The following NCOA1 variants were observed in gnomAD, a reference collection of about 807,000 sequenced individuals.
NCOA1 encodes nuclear receptor coactivator 1.
Under a neutral mutation model 150.9 loss-of-function variants are expected in NCOA1, and 35 were observed. The observed-to-expected ratio is 0.23, with a 90% CI of 0.18 to 0.31. The LOEUF is 0.31. Among genes scored for constraint, NCOA1 ranks in the 10% least tolerant of loss-of-function variants. NCOA1 has a pLI of 1.00. For synonymous variants in NCOA1, 590 were observed against 630.0 expected (o/e 0.94, Z 0.95); for missense variants, 1,491 against 1,749.3 (o/e 0.85, Z 2.63).
intron 3 of NCOA1, among the ~76,000 whole-genome samples, chr2:24,638,483 A>G (rs1227864028): frequency 6.6e-6 from 1 of 151,830 alleles, no homozygotes; most frequent in African/African-American, 2.4e-5. Context: ...ATTTCCTTTT[A>G]TTTACCTAAA....
intron 14 of NCOA1, among the ~76,000 whole-genome samples, chr2:24,714,736 A>G (rs998668116): frequency 1.3e-5 from 2 of 152,122 alleles, no homozygotes; most frequent in African/African-American, 4.8e-5. Context: ...TAATATATAA[A>G]TAATACATAA....
At chr2:24,655,109 A>G (rs1670874215) in intron 4 of NCOA1, among the ~76,000 whole-genome samples, 1 of 152,296 alleles carries the variant, frequency 6.6e-6, no homozygotes, top group South Asian at 2.1e-4. Context: ...TGTAAATTTT[A>G]TTCACTGCTC....
At chr2:24,531,177 T>G (rs1202077466) in intron 1 of NCOA1, among the ~76,000 whole-genome samples, 1 of 152,198 alleles carries the variant, frequency 6.6e-6, no homozygotes, top group Non-Finnish European at 1.5e-5. Context: ...TAAAACAGTA[T>G]GGAGGTTCCT....
intron 1 of NCOA1, among the ~76,000 whole-genome samples, chr2:24,494,956 T>A (rs559718167): frequency 6.6e-6 from 1 of 152,306 alleles, no homozygotes; most frequent in East Asian, 1.9e-4. Flanking sequence ...GGTCTAGTCA[T>A]TTAAAACCTT....
In NCOA1 at chr2:24,627,130, T is replaced by TTTG. The variant is rs1227077325; in HGVS notation, c.-174-16834_-174-16833insGTT. Among the ~76,000 whole-genome samples the TTTG allele has an allele frequency of 2.0e-5, 3 of 149,290 alleles. No homozygotes were observed. In the East Asian group the frequency reaches 5.8e-4, roughly 29 times the overall value. On this transcript the variant is annotated intron_variant, in intron 3 of 22. Coordinates refer to ENST00000348332, the MANE Select transcript of NCOA1 (RefSeq NM_003743.5). ...TTTTTTGTTTTTTGCTGTTTTTTTT[T>TTTG]TTTTTTTTTTTTTAAGTTAAGGCTA... is the stretch of plus-strand genomic sequence containing the variant.
At chr2:24,746,248 C>T (rs1663910970) in intron 19 of NCOA1, among the ~76,000 whole-genome samples, 1 of 152,120 alleles carries the variant, frequency 6.6e-6, no homozygotes. Context: ...GGAAACTTAA[C>T]ATAGTCTAGC....
chr2:24,520,582 G>T (rs1167603181), intron 1 of NCOA1, among the ~76,000 whole-genome samples: 1 of 152,208 alleles, frequency 6.6e-6, no homozygotes, highest in East Asian at 1.9e-4. Flanking sequence ...GTGCTTGTCT[G>T]CAGATTGTGT....
intron 14 of NCOA1, among the ~76,000 whole-genome samples, chr2:24,725,519 A>G (rs373938380): frequency 2.6e-5 from 4 of 152,046 alleles, no homozygotes; most frequent in East Asian, 1.9e-4. Context: ...TTACCTTTTT[A>G]AAGGCCCTGT....
At chr2:24,595,050 G>T (rs1035744722) in intron 3 of NCOA1, among the ~76,000 whole-genome samples, 4 of 151,986 alleles carry the variant, frequency 2.6e-5, no homozygotes, top group African/African-American at 7.2e-5. Flanking sequence ...TTAGAATTGG[G>T]ATTGATATTT....
chr2:24,706,415 CTT>C (rs1023770074), intron 12 of NCOA1, among the ~76,000 whole-genome samples, 151 bp from the exon 13 acceptor site: 143 of 151,928 alleles, frequency 9.4e-4, no homozygotes, highest in African/African-American at 3.3e-3. Flanking sequence ...ATTTAAGAAA[CTT>C]TTTTCTTAAT....
At chr2:24,688,508 ATTGAGCTT>A (rs1477475008) in intron 8 of NCOA1, among the ~76,000 whole-genome samples, 1 of 152,088 alleles carries the variant, frequency 6.6e-6, no homozygotes, top group African/African-American at 2.4e-5. Flanking sequence ...AATCAGTGAT[ATTGAGCTT>A]TTTTTCACAT....
At chr2:24,726,196 C>A (rs1356031774) in intron 14 of NCOA1, among the ~76,000 whole-genome samples, 1 of 152,020 alleles carries the variant, frequency 6.6e-6, no homozygotes, top group Non-Finnish European at 1.5e-5. Context: ...TGTATTTTAT[C>A]TTTTGCTCAC....
intron 11 of NCOA1, among the ~76,000 whole-genome samples, 169 bp from the exon 12 acceptor site, chr2:24,704,917 T>TC (rs1673340201): frequency 1.3e-5 from 2 of 152,210 alleles, no homozygotes; most frequent in African/African-American, 2.4e-5. Context: ...GGAATCATCT[T>TC]CCCCCTCAGA....
chr2:24,516,955 A>ATATATACGTATATGT (rs1558758490), intron 1 of NCOA1, among the ~76,000 whole-genome samples: 117 of 70,094 alleles, frequency 1.7e-3, no homozygotes, highest in Admixed American at 4.1e-3. Context: ...TATATATACA[A>ATATATACGTATATGT]GTATATATAC....
chr2:24,565,750 T>C (rs1201213841), intron 2 of NCOA1, among the ~76,000 whole-genome samples: 1 of 151,978 alleles, frequency 6.6e-6, no homozygotes. Flanking sequence ...AGCAAGCGAG[T>C]GTGGGGTCTG....
intron 11 of NCOA1, among the ~76,000 whole-genome samples, chr2:24,698,901 T>C (rs533048502): frequency 2.0e-4 from 30 of 152,328 alleles, no homozygotes; most frequent in African/African-American, 7.0e-4. Context: ...GAAACATCTA[T>C]ATAAATATCA....
chr2:24,528,111 C>T (rs1664726408), intron 1 of NCOA1, among the ~76,000 whole-genome samples: 1 of 152,122 alleles, frequency 6.6e-6, no homozygotes, highest in Non-Finnish European at 1.5e-5. Flanking sequence ...CTTCCCAATC[C>T]ATAAGTTGCC....
In NCOA1 at chr2:24,769,764, T is replaced by C; in HGVS notation, c.*1373T>C. ...AGTCAAGAACCCAGTGAACTGACTT[T>C]CTAGTTCTAGAAGTTCCGCTGCAAG... On this transcript the variant is annotated 3_prime_UTR_variant, in exon 23 of 23. Coordinates refer to ENST00000348332, the MANE Select transcript of NCOA1 (RefSeq NM_003743.5). 4.5e-6 allele frequency: 1 copy of C among 221,872 alleles called. No individual in the cohort carries two copies. Among genetic ancestry groups the C allele is most frequent in the Non-Finnish European group, 9.0e-6 (1 of 110,694 alleles). 13.7% of individuals were successfully genotyped at this position (221,872 alleles called of 1,614,324 possible).
intron 3 of NCOA1, among the ~76,000 whole-genome samples, chr2:24,608,801 T>A (rs1668494713): frequency 6.7e-6 from 1 of 149,954 alleles, no homozygotes. Context: ...CTTCCCAGTC[T>A]CCTCTGGTCT....
Sources: allele counts gnomAD v4.1 joint callset (sites outside exome capture counted in the v4.1 genomes callset), GRCh38; gene constraint gnomAD v4.1.1; transcripts MANE v1.5; gene names NCBI Gene and HGNC (gene_info 2026-07-23, HGNC 2026-07-21).